Variants in DNAI7 observed in about 807,000 individuals in gnomAD.
The protein encoded by DNAI7 is cancer susceptibility 1.
In DNAI7, 78 loss-of-function variants were observed where a neutral mutation model predicts 86.6. That is an observed-to-expected ratio of 0.90 (90% CI 0.75 to 1.09). DNAI7 has a LOEUF of 1.09. Among genes scored for constraint, DNAI7 ranks in the 50% least tolerant of loss-of-function variants. The pLI, the probability that DNAI7 is intolerant of heterozygous loss-of-function variation, is 0.00. For missense variants in DNAI7, 753 were observed against 810.2 expected (o/e 0.93, Z 0.86); for synonymous variants, 274 against 273.0 (o/e 1.00, Z -0.04).
At chr12:25,187,903 A>T (rs573252518) in intron 2 of DNAI7, among the ~76,000 whole-genome samples, 1 of 118 alleles carries the variant, frequency 8.5e-3, no homozygotes, top group Non-Finnish European at 0.025. Flanking sequence ...AATGCAGAGC[A>T]AAAAAAAAAG....
chr12:25,169,856 A>G (rs1443666811), intron 2 of DNAI7, among the ~76,000 whole-genome samples: 1 of 140,114 alleles, frequency 7.1e-6, no homozygotes, highest in Non-Finnish European at 1.5e-5. Flanking sequence ...TCAAAAAAAA[A>G]AAAAAAAAGA....
chr12:25,139,448 G>A (rs1943931182), intron 9 of DNAI7, among the ~76,000 whole-genome samples: 1 of 152,158 alleles, frequency 6.6e-6, no homozygotes, highest in South Asian at 2.1e-4. Flanking sequence ...GAACATAGAT[G>A]TAAAAATCCT....
chr12:25,113,279 CTGTTGTTGTTGTTGTTGT>C (rs111423023), intron 13 of DNAI7, among the ~76,000 whole-genome samples: 23 of 150,678 alleles, frequency 1.5e-4, no homozygotes, highest in Admixed American at 1.5e-3. Flanking sequence ...GTTGTTGTTG[CTGTTGTTGTTGTTGTTGT>C]TGTTGTTGTT....
At chr12:25,107,856 C>A, downstream of DNAI7, 1 of 1,613,880 alleles carries the variant, frequency 6.2e-7, no homozygotes, top group Non-Finnish European at 8.5e-7. Flanking sequence ...ATCTCAAGTC[C>A]TCCATCAGAA....
intron 13 of DNAI7, among the ~76,000 whole-genome samples, chr12:25,113,503 T>C (rs995600386): frequency 2.0e-5 from 3 of 152,034 alleles, no homozygotes; most frequent in African/African-American, 7.2e-5. Context: ...GGTTTCACCA[T>C]ATTGGCCAGG....
In DNAI7 at chr12:25,112,399, G is replaced by GTTTTTT. The variant is rs10602859; in HGVS notation, c.1612-466_1612-461dup. Among the ~76,000 whole-genome samples, 27 of 104,272 alleles carry GTTTTTT rather than the reference G, an allele frequency of 2.6e-4. 1 individual carries two copies. Among genetic ancestry groups the GTTTTTT allele is most frequent in the Non-Finnish European group, 3.0e-4 (17 of 56,172 alleles). 68.4% of individuals were successfully genotyped at this position (104,272 alleles called of 152,430 possible). ...TGAAGGTGTATAGAATTCACATCTGGTTTTTTTTTTTTTTTTTTTTTTTTT... is the reference window on the plus strand; with the variant it reads ...TGAAGGTGTATAGAATTCACATCTGGTTTTTTTTTTTTTTTTTTTTTTTTTTTTTTT... On this transcript the variant is annotated intron_variant, in intron 13 of 15. Transcript: ENST00000395987.
intron 9 of DNAI7, among the ~76,000 whole-genome samples, 192 bp downstream of exon 9, chr12:25,144,173 T>TG: frequency 6.6e-6 from 1 of 152,220 alleles, no homozygotes. Flanking sequence ...ATGTTGAAGC[T>TG]AGTGGCTCAA....
chr12:25,142,323 C>T (rs560436592), intron 9 of DNAI7, among the ~76,000 whole-genome samples: 1 of 149,886 alleles, frequency 6.7e-6, no homozygotes, highest in Non-Finnish European at 1.5e-5. Flanking sequence ...AAGAATGATA[C>T]AATGGACTTT....
At position 25,195,108 on chromosome 12, in the gene DNAI7, C is replaced by A; in HGVS notation, c.-30G>T. ...AGTCAAGCTCCACTGCAGTAGTCCGCAGAGTCGGAGCAGAAATTGTGTGGA... is the reference window on the plus strand; with the variant it reads ...AGTCAAGCTCCACTGCAGTAGTCCGAAGAGTCGGAGCAGAAATTGTGTGGA... On this transcript the variant is annotated 5_prime_UTR_variant, in exon 1 of 16. Coordinates refer to ENST00000395987, the MANE Select transcript of DNAI7 (RefSeq NM_018272.5). 6.2e-7 allele frequency: 1 copy of A among 1,611,970 alleles called. No individual in the cohort carries two copies. Among genetic ancestry groups the A allele is most frequent in the South Asian group, 1.1e-5 (1 of 91,034 alleles).
intron 12 of DNAI7, among the ~76,000 whole-genome samples, chr12:25,118,420 C>T (rs113898110): frequency 0.012 from 1,803 of 151,964 alleles, 35 homozygotes; most frequent in African/African-American, 0.041. Flanking sequence ...TGTGCCACCA[C>T]GCCCCGCTCA....
chr12:25,173,601 G>T (rs1172220908), intron 2 of DNAI7, among the ~76,000 whole-genome samples: 1 of 151,954 alleles, frequency 6.6e-6, no homozygotes, highest in Non-Finnish European at 1.5e-5. Flanking sequence ...CCACTACTGG[G>T]TATCTAACCA....
At chr12:25,150,601 C>CAAAAAAA (rs58511191) in intron 6 of DNAI7, among the ~76,000 whole-genome samples, 1 of 89,008 alleles carries the variant, frequency 1.1e-5, no homozygotes, top group Non-Finnish European at 2.1e-5. Context: ...GACTCTGTCT[C>CAAAAAAA]AAAAAAAAAA....
At chr12:25,107,741 C>A, downstream of DNAI7, 3 of 1,402,676 alleles carry the variant, frequency 2.1e-6, no homozygotes, top group Non-Finnish European at 3.0e-6. Context: ...GATCACCTGA[C>A]TGGTGGTGTT....
In DNAI7 at chr12:25,108,756, T is replaced by C. The variant is rs141983253; in HGVS notation, c.1961A>G (p.Asp654Gly). Residue 654 changes from aspartate to glycine, a missense_variant, in exon 16 of 16, where the codon GAC becomes GGC. Coordinates refer to ENST00000395987, the MANE Select transcript of DNAI7 (RefSeq NM_018272.5). ...CTTGATCTTCAGTCTTTGTGCTCTGTCACCACTAAACATTAAAAGGGCCCA... is the reference window on the plus strand; with the variant it reads ...CTTGATCTTCAGTCTTTGTGCTCTGCCACCACTAAACATTAAAAGGGCCCA... Reference protein sequence around the residue: ...PNWALLMFSGDRAQRLKIKEE... With the variant: ...PNWALLMFSGGRAQRLKIKEE... 6 of 1,492,040 alleles carry C rather than the reference T, an allele frequency of 4.0e-6. No homozygotes were observed. Among genetic ancestry groups the C allele is most frequent in the Middle Eastern group, 1.8e-4 (1 of 5,458 alleles). 92.4% of individuals were successfully genotyped at this position (1,492,040 alleles called of 1,614,324 possible). A position where few individuals can be genotyped will look rare whatever the true frequency, so the allele number is the denominator to read the frequency against.
intron 1 of DNAI7, among the ~76,000 whole-genome samples, chr12:25,194,081 A>C (rs1191150698): frequency 6.6e-6 from 1 of 151,974 alleles, no homozygotes; most frequent in African/African-American, 2.4e-5. Context: ...CGGCCTCCCA[A>C]AGTGCTGGGA....
intron 9 of DNAI7, among the ~76,000 whole-genome samples, chr12:25,126,051 T>G (rs1181702053): frequency 6.6e-6 from 1 of 152,176 alleles, no homozygotes; most frequent in Non-Finnish European, 1.5e-5. Flanking sequence ...ATGTGATGCT[T>G]CCAGGTTTGT....
chr12:25,108,517 TCATA>T lies in DNAI7; in HGVS notation c.*27_*30del, dbSNP rs1949416822. 34 of 1,577,370 alleles carry T rather than the reference TCATA, an allele frequency of 2.2e-5. No individual in the cohort carries two copies. Among genetic ancestry groups the T allele is most frequent in the Non-Finnish European group, 2.9e-5 (33 of 1,156,342 alleles). ...CCTGTCTTTCACCATGCTTGGTTCT[TCATA>T]CTTACAATACAGTTTGTAAGTGGAG... On this transcript the variant is annotated 3_prime_UTR_variant, in exon 16 of 16. Coordinates refer to ENST00000395987, the MANE Select transcript of DNAI7 (RefSeq NM_018272.5).
chr12:25,113,911 C>T (rs960302746), intron 13 of DNAI7, among the ~76,000 whole-genome samples: 1 of 142,166 alleles, frequency 7.0e-6, no homozygotes, highest in African/African-American at 2.7e-5. Flanking sequence ...ACATTACAGG[C>T]TATGTAATTT....
chr12:25,122,205 C>T (rs1941408567), intron 10 of DNAI7, among the ~76,000 whole-genome samples: 1 of 152,056 alleles, frequency 6.6e-6, no homozygotes, highest in African/African-American at 2.4e-5. Context: ...GTGATTCATG[C>T]CCACTACTTT....
Sources: gnomAD v4.1 joint callset for allele counts (sites outside exome capture counted in the v4.1 genomes callset) on GRCh38, gnomAD v4.1.1 for gene constraint, MANE v1.5 for transcripts, NCBI Gene and HGNC (gene_info 2026-07-23, HGNC 2026-07-21) for gene names.